TRAK2: variants seen among roughly 807,000 people sequenced by gnomAD.
The protein encoded by TRAK2 is trafficking kinesin-binding protein 2.
In TRAK2, 81 loss-of-function variants were observed where a neutral mutation model predicts 104.6. The observed-to-expected ratio is 0.77, with a 90% CI of 0.65 to 0.93. The LOEUF is 0.93. TRAK2 is among the 40% of genes least tolerant of loss of function. The pLI, the probability that TRAK2 is intolerant of heterozygous loss-of-function variation, is 0.00. For synonymous variants in TRAK2, 406 were observed against 394.4 expected, an observed-to-expected ratio of 1.03 and a Z score of -0.35; for missense variants, 1,002 against 1,089.0, an observed-to-expected ratio of 0.92 and a Z score of 1.12.
At chr2:201,450,734 A>C (rs992574538) in intron 1 of TRAK2, among the ~76,000 whole-genome samples, 1 of 151,794 alleles carries the variant, frequency 6.6e-6, no homozygotes, top group African/African-American at 2.4e-5. Context: ...TCTAAGCAAA[A>C]GGTGCATGAG....
chr2:201,384,676 G>C (rs1951372526), intron 14 of TRAK2, among the ~76,000 whole-genome samples: 1 of 152,158 alleles, frequency 6.6e-6, no homozygotes, highest in African/African-American at 2.4e-5. Flanking sequence ...AAAATTGATG[G>C]CTCCTCAGCA....
chr2:201,405,878 A>G (rs1443960251), intron 3 of TRAK2, among the ~76,000 whole-genome samples: 1 of 152,190 alleles, frequency 6.6e-6, no homozygotes, highest in African/African-American at 2.4e-5. Flanking sequence ...GCTACTCAGG[A>G]GGCTGAGGCA....
intron 1 of TRAK2, among the ~76,000 whole-genome samples, chr2:201,445,209 TAAG>T (rs1245219494): frequency 1.3e-5 from 2 of 152,130 alleles, no homozygotes; most frequent in Non-Finnish European, 2.9e-5. Context: ...GTAGTAAAGC[TAAG>T]AATAAAGCTA....
At position 201,411,665 on chromosome 2, in the gene TRAK2, A is replaced by C. The variant is rs541301268; in HGVS notation, c.92-4068T>G. 28 of 795,718 alleles carry C rather than the reference A, an allele frequency of 3.5e-5. No individual in the cohort carries two copies. The African/African-American group carries it at 3.7e-4, about 11-fold the overall frequency. 49.3% of individuals were successfully genotyped at this position (795,718 alleles called of 1,614,324 possible). The stretch of plus-strand genomic sequence containing the variant: ...TGGTGATTCCCAACTTATGAGTAAA[A>C]GTACATTTGTAAATGCCTAAAATAC... On this transcript the variant is annotated intron_variant, in intron 2 of 15. Coordinates refer to ENST00000332624, the MANE Select transcript of TRAK2 (RefSeq NM_015049.3).
chr2:201,400,440 C>T (rs921561743), intron 4 of TRAK2, among the ~76,000 whole-genome samples: 2 of 151,902 alleles, frequency 1.3e-5, no homozygotes, highest in African/African-American at 4.8e-5. Flanking sequence ...CGCTAAATGG[C>T]ATACATAGAA....
chr2:201,413,381 C>T, intron 2 of TRAK2: 1 of 647,352 alleles, frequency 1.5e-6, no homozygotes, highest in Non-Finnish European at 2.6e-6. Flanking sequence ...GCCTCTTTTT[C>T]CCCACCCCCC....
At chr2:201,383,966 G>T in intron 15 of TRAK2, 145 bp downstream of exon 15, 1 of 619,432 alleles carries the variant, frequency 1.6e-6, no homozygotes, top group Non-Finnish European at 2.8e-6. Flanking sequence ...ATGAGAAAAT[G>T]CAATGTGAAA....
At chr2:201,450,221 C>T (rs1372615013) in intron 1 of TRAK2, among the ~76,000 whole-genome samples, 2 of 152,002 alleles carry the variant, frequency 1.3e-5, no homozygotes, top group African/African-American at 2.4e-5. Flanking sequence ...TCGAGACCAT[C>T]CTGGCCAACA....
At chr2:201,410,939 T>G in intron 2 of TRAK2, 2 of 1,572,698 alleles carry the variant, frequency 1.3e-6, no homozygotes, top group Non-Finnish European at 1.7e-6. Context: ...CAACTGTGCT[T>G]GGACTACTGT....
chr2:201,386,508 G>A, intron 13 of TRAK2, 24 bp from the exon 14 acceptor site: 5 of 1,606,794 alleles, frequency 3.1e-6, no homozygotes, highest in Non-Finnish European at 3.4e-6. Flanking sequence ...ACAAAGGAAG[G>A]GGAAAGGCAT....
intron 3 of TRAK2, among the ~76,000 whole-genome samples, chr2:201,404,483 T>C (rs764742876): frequency 6.6e-6 from 1 of 152,190 alleles, no homozygotes; most frequent in South Asian, 2.1e-4. Context: ...AATCTAATGT[T>C]CCTGAAAATA....
chr2:201,399,287 G>A lies in TRAK2; in HGVS notation c.480+90C>T, dbSNP rs969605484. 28 of 777,864 alleles carry A rather than the reference G, an allele frequency of 3.6e-5. No homozygotes were observed. The highest frequency in any genetic ancestry group is 1.7e-4 in the African/African-American group (10 of 58,520). 48.2% of individuals were successfully genotyped at this position (777,864 alleles called of 1,614,324 possible). ...CAAGTACTGGTGTTATTTATCTATT[G>A]CCATCATTTCAGGGACACCTAGGAA... is the stretch of plus-strand genomic sequence containing the variant. On this transcript the variant is annotated intron_variant, in intron 5 of 15. Coordinates refer to ENST00000332624, the MANE Select transcript of TRAK2 (RefSeq NM_015049.3).
At chr2:201,384,421 T>C (rs983029699) in intron 14 of TRAK2, among the ~76,000 whole-genome samples, 1 of 151,974 alleles carries the variant, frequency 6.6e-6, no homozygotes, top group Non-Finnish European at 1.5e-5. Context: ...ACTTTAAAAC[T>C]GTAAAGCAAA....
intron 2 of TRAK2, among the ~76,000 whole-genome samples, chr2:201,408,343 G>T (rs1177945028): frequency 1.3e-5 from 2 of 151,528 alleles, no homozygotes; most frequent in African/African-American, 4.9e-5. Context: ...TTTTATTTTA[G>T]GTTCAGGGGT....
chr2:201,410,823 C>A (rs1220678544), intron 2 of TRAK2: 22 of 1,606,784 alleles, frequency 1.4e-5, no homozygotes, highest in Non-Finnish European at 1.9e-5. Context: ...TAAGGGCAGA[C>A]ATATCTGTGG....
chr2:201,389,123 A>T (rs1415240477), intron 12 of TRAK2, among the ~76,000 whole-genome samples, 177 bp downstream of exon 12: 1 of 152,222 alleles, frequency 6.6e-6, no homozygotes. Context: ...ATTCAAAAAA[A>T]TTTGACTTTG....
intron 1 of TRAK2, among the ~76,000 whole-genome samples, chr2:201,438,769 C>A (rs1196813090): frequency 1.3e-5 from 2 of 152,150 alleles, no homozygotes; most frequent in Non-Finnish European, 2.9e-5. Context: ...TGTTCTTGAG[C>A]AATTTATATT....
At chr2:201,381,853 A>T (rs1055300196) in intron 15 of TRAK2, among the ~76,000 whole-genome samples, 5 of 152,220 alleles carry the variant, frequency 3.3e-5, no homozygotes, top group Non-Finnish European at 7.3e-5. Context: ...CATAGGATGA[A>T]TTTTTTCTCA....
intron 1 of TRAK2, among the ~76,000 whole-genome samples, chr2:201,439,006 T>G (rs1003060312): frequency 1.3e-5 from 2 of 152,184 alleles, no homozygotes; most frequent in African/African-American, 4.8e-5. Flanking sequence ...CTGCTAAAAG[T>G]AGTAAATGGA....
Sources: allele counts gnomAD v4.1 joint callset (sites outside exome capture counted in the v4.1 genomes callset), GRCh38; gene constraint gnomAD v4.1.1; transcripts MANE v1.5; gene names NCBI Gene and HGNC (gene_info 2026-07-23, HGNC 2026-07-21).